ADAMTS3: variants seen among roughly 807,000 people sequenced by gnomAD.
The protein encoded by ADAMTS3 is ADAM metallopeptidase with thrombospondin type 1 motif 3.
ADAMTS3 carries 73 observed loss-of-function variants against 129.0 expected under a neutral mutation model. That is an observed-to-expected ratio of 0.57 (90% confidence interval 0.47 to 0.69). The LOEUF is 0.69. Ranked by LOEUF, ADAMTS3 falls within the 30% of genes least tolerant of loss-of-function variation. The pLI, the probability that ADAMTS3 is intolerant of heterozygous loss-of-function variation, is 0.00. For missense variants in ADAMTS3, 1,457 were observed against 1,514.5 expected, an observed-to-expected ratio of 0.96 and a Z score of 0.63; for synonymous variants, 477 against 510.8, an observed-to-expected ratio of 0.93 and a Z score of 0.89.
intron 3 of ADAMTS3, among the ~76,000 whole-genome samples, chr4:72,538,252 T>C (rs537563301): frequency 6.6e-6 from 1 of 152,186 alleles, no homozygotes; most frequent in African/African-American, 2.4e-5. Flanking sequence ...ATTGCCAAAT[T>C]TGATGAAAGA....
At chr4:72,294,774 C>T (rs2109776757) in intron 19 of ADAMTS3, among the ~76,000 whole-genome samples, 1 of 152,114 alleles carries the variant, frequency 6.6e-6, no homozygotes, top group African/African-American at 2.4e-5. Flanking sequence ...TCAACAGCAA[C>T]ACTTGAGTGT....
chr4:72,296,865 C>T (rs1283794521), intron 18 of ADAMTS3, among the ~76,000 whole-genome samples: 2 of 152,060 alleles, frequency 1.3e-5, no homozygotes, highest in Non-Finnish European at 2.9e-5. Context: ...TGTCTCCAGC[C>T]TCCATCAATC....
At chr4:72,323,536 G>A (rs1719620350) in intron 5 of ADAMTS3, among the ~76,000 whole-genome samples, 1 of 152,168 alleles carries the variant, frequency 6.6e-6, no homozygotes, top group Non-Finnish European at 1.5e-5. Flanking sequence ...TGCTACGTCT[G>A]GTTGAGAGAG....
At chr4:72,419,088 T>G (rs1458305682) in intron 3 of ADAMTS3, among the ~76,000 whole-genome samples, 1 of 152,138 alleles carries the variant, frequency 6.6e-6, no homozygotes, top group African/African-American at 2.4e-5. Context: ...ATTTTCTTAC[T>G]CCCTCACCTC....
intron 4 of ADAMTS3, among the ~76,000 whole-genome samples, chr4:72,386,169 T>A (rs995708378): frequency 6.6e-6 from 1 of 152,140 alleles, no homozygotes; most frequent in South Asian, 2.1e-4. Context: ...CTTGGTAAAC[T>A]CTTCAAAATG....
chr4:72,513,096 T>C (rs1200268004), intron 3 of ADAMTS3, among the ~76,000 whole-genome samples: 1 of 152,234 alleles, frequency 6.6e-6, no homozygotes, highest in Admixed American at 6.5e-5. Flanking sequence ...TCCCTAGCCA[T>C]GTACTGTCTC....
intron 3 of ADAMTS3, among the ~76,000 whole-genome samples, chr4:72,547,201 A>G (rs552404969): frequency 2.0e-5 from 3 of 152,298 alleles, no homozygotes; most frequent in Non-Finnish European, 2.9e-5. Context: ...ATTCTTACCT[A>G]TAATTAGGGC....
chr4:72,564,650 A>G (rs1407162800), intron 2 of ADAMTS3, among the ~76,000 whole-genome samples: 1 of 152,120 alleles, frequency 6.6e-6, no homozygotes, highest in Non-Finnish European at 1.5e-5. Flanking sequence ...ACTTTCCCAC[A>G]TACCAAGAAG....
At chr4:72,398,655 T>G (rs999844499) in intron 4 of ADAMTS3, among the ~76,000 whole-genome samples, 3 of 152,188 alleles carry the variant, frequency 2.0e-5, no homozygotes, top group Admixed American at 6.5e-5. Flanking sequence ...CAGATATTTA[T>G]GAAGACAAAG....
intron 4 of ADAMTS3, among the ~76,000 whole-genome samples, chr4:72,413,860 G>A (rs1578658609): frequency 6.6e-6 from 1 of 151,682 alleles, no homozygotes; most frequent in African/African-American, 2.4e-5. Flanking sequence ...TGTTTCAAAT[G>A]AGAAATTTCT....
At chr4:72,329,750 T>C (rs532073105) in intron 5 of ADAMTS3, among the ~76,000 whole-genome samples, 3 of 146,666 alleles carry the variant, frequency 2.0e-5, no homozygotes, top group East Asian at 3.9e-4. Context: ...CTTTCTTTCA[T>C]GAAAAAAAAA....
At chr4:72,529,747 T>C (rs1226519092) in intron 3 of ADAMTS3, among the ~76,000 whole-genome samples, 13 of 112,100 alleles carry the variant, frequency 1.2e-4, no homozygotes, top group Non-Finnish European at 1.9e-4. Flanking sequence ...TTATTTAATA[T>C]ATTGTATATA....
In ADAMTS3 at chr4:72,281,734, A is replaced by G. The variant is rs556246495; in HGVS notation, c.*1402T>C. The G allele has an allele frequency of 9.3e-4, 141 of 152,324 alleles. No homozygotes were observed. The highest frequency in any genetic ancestry group is 3.2e-3 in the African/African-American group (135 of 41,584). The allele number at this position is 152,324 out of a possible 1,614,324, so 9.4% of individuals were successfully genotyped here. On this transcript the variant is annotated 3_prime_UTR_variant, in exon 22 of 22. Coordinates refer to ENST00000286657, the MANE Select transcript of ADAMTS3 (RefSeq NM_014243.3). ...TCTCTATGCACAGAACAAAGCATGC[A>G]TCTCTAATTATGTCTCTCTAGTTTA...
chr4:72,430,516 C>T lies in ADAMTS3; in HGVS notation c.505-15545G>A, dbSNP rs148264129. Reference sequence around the variant, plus strand: ...CTCAGCCATTCAATTCACTCCCAGTCAGTTGAGCATTCCCAGGCGAGGAAC... The same window carrying T: ...CTCAGCCATTCAATTCACTCCCAGTTAGTTGAGCATTCCCAGGCGAGGAAC... On this transcript the variant is annotated intron_variant, in intron 3 of 21. Coordinates refer to ENST00000286657, the MANE Select transcript of ADAMTS3 (RefSeq NM_014243.3). Among the ~76,000 whole-genome samples, 402 of 152,100 alleles carry T rather than the reference C, an allele frequency of 2.6e-3. 3 individuals carry two copies. The highest frequency in any genetic ancestry group is 9.4e-3 in the African/African-American group (390 of 41,520).
At chr4:72,547,652 C>A (rs1721500298) in intron 3 of ADAMTS3, among the ~76,000 whole-genome samples, 1 of 151,916 alleles carries the variant, frequency 6.6e-6, no homozygotes, top group African/African-American at 2.4e-5. Flanking sequence ...CAGTCAGTAC[C>A]AGACTAGTAT....
chr4:72,421,377 A>C (rs2109933955), intron 3 of ADAMTS3, among the ~76,000 whole-genome samples: 1 of 152,346 alleles, frequency 6.6e-6, no homozygotes, highest in East Asian at 1.9e-4. Flanking sequence ...CTGCTATGTC[A>C]TATCCCAGGG....
intron 3 of ADAMTS3, chr4:72,441,795 A>G (rs1177112387): frequency 6.7e-6 from 1 of 149,704 alleles, no homozygotes; most frequent in African/African-American, 2.5e-5. Flanking sequence ...CTTTCCCCAC[A>G]CAGAACCATC....
rs1292446524 is a variant in ADAMTS3 at position 72,314,548 on chromosome 4, T to C, written c.1600-726A>G. Among the ~76,000 whole-genome samples, 4 of 152,184 alleles carry C rather than the reference T, an allele frequency of 2.6e-5. No homozygotes were observed. In the East Asian group the frequency reaches 7.7e-4, roughly 29 times the overall value. The stretch of plus-strand genomic sequence containing the variant: ...AACATTTTGACTTACTTTTTCACAC[T>C]ACGTACAATAAAAGCATTTGTTAAA... On this transcript the variant is annotated intron_variant, in intron 11 of 21. Transcript: ENST00000286657.
intron 3 of ADAMTS3, among the ~76,000 whole-genome samples, chr4:72,518,461 T>C (rs1342838659): frequency 6.6e-6 from 1 of 152,122 alleles, no homozygotes; most frequent in Non-Finnish European, 1.5e-5. Context: ...ATTTTTATTG[T>C]GTGGGAGTCT....
Sources: gnomAD v4.1 joint callset for allele counts (sites outside exome capture counted in the v4.1 genomes callset) on GRCh38, gnomAD v4.1.1 for gene constraint, MANE v1.5 for transcripts, NCBI Gene and HGNC (gene_info 2026-07-23, HGNC 2026-07-21) for gene names.